UNC13C: variants seen among roughly 807,000 people sequenced by gnomAD.
UNC13C encodes protein unc-13 homolog C.
Under a neutral mutation model 245.4 loss-of-function variants are expected in UNC13C, and 174 were observed. The ratio of observed to expected loss-of-function variants is 0.71; its 90% CI spans 0.63 to 0.80. UNC13C has a LOEUF of 0.80. UNC13C is among the 30% of genes least tolerant of loss of function. The probability of loss-of-function intolerance (pLI) is 0.00; values close to 1 mark genes in which losing one functional copy is unlikely to be tolerated. For missense variants in UNC13C, 2,829 were observed against 2,602.9 expected (o/e 1.09, Z -1.89); for synonymous variants, 992 against 895.1 (o/e 1.11, Z -1.93).
At chr15:53,966,505 G>T in the UNC13C span, among the ~76,000 whole-genome samples, 1 of 152,094 alleles carries the variant, frequency 6.6e-6, no homozygotes, top group Non-Finnish European at 1.5e-5. Context: ...AGGTGAGTTT[G>T]TTTGTGTTGG....
At chr15:54,432,673 A>G (rs1233821167) in intron 19 of UNC13C, among the ~76,000 whole-genome samples, 1 of 152,016 alleles carries the variant, frequency 6.6e-6, no homozygotes, top group African/African-American at 2.4e-5. Context: ...ACACCCTAAC[A>G]TCACAATTAA....
At chr15:54,293,863 A>G in intron 10 of UNC13C, 32 bp from the exon 11 acceptor site, 1 of 1,481,880 alleles carries the variant, frequency 6.7e-7, no homozygotes, top group African/African-American at 1.4e-5. Flanking sequence ...GCAGTTTTCA[A>G]TTGTTGTTAA....
intron 2 of UNC13C, among the ~76,000 whole-genome samples, chr15:54,092,736 T>C (rs140054680): frequency 9.9e-5 from 15 of 152,284 alleles, no homozygotes; most frequent in Admixed American, 7.2e-4. Flanking sequence ...ATAAATATAC[T>C]ATAAATGGAG....
intron 17 of UNC13C, among the ~76,000 whole-genome samples, chr15:54,380,518 ATTTTTAG>A (rs778678876): frequency 1.3e-5 from 2 of 152,100 alleles, no homozygotes; most frequent in Non-Finnish European, 2.9e-5. Context: ...TGGTAGTTCT[ATTTTTAG>A]TTTTATGAGA....
intron 17 of UNC13C, among the ~76,000 whole-genome samples, chr15:54,357,963 T>C: frequency 6.6e-6 from 1 of 152,154 alleles, no homozygotes; most frequent in East Asian, 1.9e-4. Flanking sequence ...TTGCCTGTAC[T>C]AATCATAGTG....
intron 2 of UNC13C, among the ~76,000 whole-genome samples, chr15:54,078,064 G>A (rs1018355773): frequency 1.3e-5 from 2 of 152,144 alleles, no homozygotes. Context: ...TTATTAGTGA[G>A]CACGTGGTAT....
At chr15:54,413,851 C>G (rs2040464503) in intron 18 of UNC13C, among the ~76,000 whole-genome samples, 1 of 152,076 alleles carries the variant, frequency 6.6e-6, no homozygotes. Flanking sequence ...AATGTGAGAG[C>G]TAGCTCTGTT....
At chr15:54,108,137 A>G (rs761084026) in intron 2 of UNC13C, among the ~76,000 whole-genome samples, 4 of 152,216 alleles carry the variant, frequency 2.6e-5, no homozygotes, top group Non-Finnish European at 5.9e-5. Flanking sequence ...TTTAGAGATA[A>G]TGGTTGGATG....
intron 30 of UNC13C, among the ~76,000 whole-genome samples, chr15:54,597,288 C>T (rs1899140538): frequency 6.6e-6 from 1 of 152,126 alleles, no homozygotes; most frequent in Non-Finnish European, 1.5e-5. Flanking sequence ...GGTTAGGGAC[C>T]ACTGCTCAGG....
the UNC13C span, among the ~76,000 whole-genome samples, chr15:53,875,176 T>C: frequency 6.6e-6 from 1 of 152,192 alleles, no homozygotes. Context: ...TAAAAATATT[T>C]TCTTATATGG....
chr15:54,502,900 GAGCTGC>G lies in UNC13C; in HGVS notation c.5301+1926_5301+1931del, dbSNP rs1894292564. ...TGCTGAATTGAGATTCCTAGACCCT[GAGCTGC>G]AGCCACCCGTTTGTAGCTCTGACCT... On this transcript the variant is annotated intron_variant, in intron 22 of 32. Coordinates refer to ENST00000260323, the MANE Select transcript of UNC13C (RefSeq NM_001080534.3). Among the ~76,000 whole-genome samples, 6 of 152,176 alleles carry G rather than the reference GAGCTGC, an allele frequency of 3.9e-5. No individual in the cohort carries two copies. In the South Asian group the frequency reaches 1.2e-3, roughly 32 times the overall value.
At chr15:54,146,230 A>G (rs1567047968) in intron 4 of UNC13C, among the ~76,000 whole-genome samples, 1 of 152,198 alleles carries the variant, frequency 6.6e-6, no homozygotes, top group African/African-American at 2.4e-5. Flanking sequence ...CTAAAAAACT[A>G]TGACTGGGGC....
chr15:54,042,398 A>G (rs1896843894), intron 2 of UNC13C, among the ~76,000 whole-genome samples: 1 of 152,226 alleles, frequency 6.6e-6, no homozygotes, highest in South Asian at 2.1e-4. Context: ...ATGGGTAAAT[A>G]TACTGATACT....
intron 20 of UNC13C, 46 bp from the exon 21 acceptor site, chr15:54,500,033 G>T: frequency 7.4e-7 from 1 of 1,356,420 alleles, no homozygotes; most frequent in Non-Finnish European, 1.0e-6. Flanking sequence ...TTAATTTTAT[G>T]CAAATGATGT....
intron 4 of UNC13C, among the ~76,000 whole-genome samples, chr15:54,219,024 C>A (rs1380309640): frequency 6.6e-6 from 1 of 151,870 alleles, no homozygotes; most frequent in Non-Finnish European, 1.5e-5. Flanking sequence ...CCATACTGCC[C>A]AAGGTAATTT....
At chr15:54,568,161 A>C (rs1309140943) in intron 30 of UNC13C, among the ~76,000 whole-genome samples, 1 of 152,110 alleles carries the variant, frequency 6.6e-6, no homozygotes, top group East Asian at 1.9e-4. Flanking sequence ...AGATGTATTT[A>C]ATACTAAAGC....
intron 4 of UNC13C, among the ~76,000 whole-genome samples, chr15:54,190,777 C>G (rs545615727): frequency 4.5e-4 from 69 of 152,070 alleles, no homozygotes; most frequent in African/African-American, 1.6e-3. Context: ...TGCTTTTAAA[C>G]GTAACATTTT....
intron 17 of UNC13C, among the ~76,000 whole-genome samples, chr15:54,340,339 T>C (rs1238285697): frequency 6.6e-6 from 1 of 152,234 alleles, no homozygotes; most frequent in Non-Finnish European, 1.5e-5. Context: ...TTTTAGGTTC[T>C]TGGTCATGAA....
intron 1 of UNC13C, among the ~76,000 whole-genome samples, chr15:53,992,420 T>A (rs546410127): frequency 5.3e-5 from 8 of 152,148 alleles, no homozygotes; most frequent in African/African-American, 1.7e-4. Context: ...GTGGTAGATC[T>A]TCATGGTGGA....
Sources: allele counts gnomAD v4.1 joint callset (sites outside exome capture counted in the v4.1 genomes callset), GRCh38; gene constraint gnomAD v4.1.1; transcripts MANE v1.5; gene names NCBI Gene and HGNC (gene_info 2026-07-23, HGNC 2026-07-21).